Variants in RXRG observed in about 807,000 individuals in gnomAD.
RXRG encodes retinoic acid receptor RXR-gamma.
RXRG carries 19 observed loss-of-function variants against 49.2 expected under a neutral mutation model. That is an observed-to-expected ratio of 0.39 (90% CI 0.27 to 0.57). The LOEUF (loss-of-function observed/expected upper bound fraction) is 0.57, where lower values mean the gene tolerates loss of function less well. Among genes scored for constraint, RXRG ranks in the 20% least tolerant of loss-of-function variants. The probability of loss-of-function intolerance (pLI) is 0.64; values close to 1 mark genes in which losing one functional copy is unlikely to be tolerated. For missense variants in RXRG, 452 were observed against 592.5 expected (o/e 0.76, Z 2.46); for synonymous variants, 224 against 216.6 (o/e 1.03, Z -0.30).
intron 7 of RXRG, 94 bp downstream of exon 7, chr1:165,409,464 T>G: frequency 8.0e-7 from 1 of 1,253,778 alleles, no homozygotes; most frequent in South Asian, 3.7e-5. Flanking sequence ...CATGCCCACG[T>G]GAGAATTCAT....
intron 3 of RXRG, 92 bp downstream of exon 3, chr1:165,419,778 T>C: frequency 8.3e-7 from 1 of 1,205,458 alleles, no homozygotes; most frequent in Non-Finnish European, 1.1e-6. Context: ...TAAAGGGCCA[T>C]TTTCCTTTCA....
At chr1:165,419,016 A>G (rs1317026036) in intron 3 of RXRG, among the ~76,000 whole-genome samples, 2 of 152,244 alleles carry the variant, frequency 1.3e-5, no homozygotes, top group East Asian at 1.9e-4. Flanking sequence ...ATGGACAGCT[A>G]TAGAAAAGAG....
chr1:165,406,716 A>C, intron 9 of RXRG, 96 bp downstream of exon 9: 1 of 862,974 alleles, frequency 1.2e-6, no homozygotes, highest in Non-Finnish European at 1.9e-6. Context: ...AACATTTAAA[A>C]ACACCTAAAC....
chr1:165,407,192 C>T (rs1231469312), intron 8 of RXRG, among the ~76,000 whole-genome samples: 3 of 152,184 alleles, frequency 2.0e-5, no homozygotes, highest in East Asian at 1.9e-4. Flanking sequence ...GGACCATTCT[C>T]GAAATATTAC....
chr1:165,427,487 T>C (rs908794556), intron 2 of RXRG, among the ~76,000 whole-genome samples: 16 of 152,160 alleles, frequency 1.1e-4, no homozygotes, highest in African/African-American at 3.6e-4. Context: ...CAAGCTGGAG[T>C]GCAGTGGCAT....
intron 7 of RXRG, among the ~76,000 whole-genome samples, chr1:165,409,129 G>T (rs1288996741): frequency 6.6e-6 from 1 of 152,140 alleles, no homozygotes; most frequent in African/African-American, 2.4e-5. Flanking sequence ...AGTCCATCTT[G>T]CCTGGCCTCT....
In RXRG at chr1:165,442,238, C is replaced by A. The variant is rs372487630; in HGVS notation, c.49+2607G>T. Among the ~76,000 whole-genome samples, 4 of 152,296 alleles carry A rather than the reference C, an allele frequency of 2.6e-5. No individual in the cohort carries two copies. In the East Asian group the frequency reaches 7.7e-4, roughly 29 times the overall value. ...TGTGCCTGCTTGTGAGTCCTCTGTC[C>A]CTCTCCCTCATCACAGAAAGTTCTC... On this transcript the variant is annotated intron_variant, in intron 1 of 9. Coordinates refer to ENST00000359842, the MANE Select transcript of RXRG (RefSeq NM_006917.5).
At chr1:165,401,510 T>G in intron 9 of RXRG, 100 bp from the exon 10 acceptor site, 1 of 1,375,390 alleles carries the variant, frequency 7.3e-7, no homozygotes, top group Non-Finnish European at 1.0e-6. Flanking sequence ...TCGACCCATC[T>G]GTGATAAAAG....
intron 2 of RXRG, among the ~76,000 whole-genome samples, chr1:165,427,871 C>T (rs1658542663): frequency 6.6e-6 from 1 of 152,180 alleles, no homozygotes; most frequent in Non-Finnish European, 1.5e-5. Context: ...AAAGCATGCC[C>T]CCAAGTAGCT....
chr1:165,432,785 G>A (rs74806111), intron 1 of RXRG, among the ~76,000 whole-genome samples: 1 of 152,202 alleles, frequency 6.6e-6, no homozygotes, highest in Non-Finnish European at 1.5e-5. Context: ...AGGATGAGTG[G>A]TGTTTCTTGC....
At chr1:165,424,512 C>G (rs186783468) in intron 2 of RXRG, among the ~76,000 whole-genome samples, 1 of 152,288 alleles carries the variant, frequency 6.6e-6, no homozygotes, top group Admixed American at 6.5e-5. Context: ...ATTTGTAACC[C>G]CACGATAAAG....
intron 2 of RXRG, among the ~76,000 whole-genome samples, chr1:165,421,314 A>T (rs1252087549): frequency 1.3e-5 from 2 of 152,214 alleles, no homozygotes; most frequent in Non-Finnish European, 2.9e-5. Context: ...AAATGACAAC[A>T]CATATGTGAT....
At chr1:165,431,981 G>C (rs913084) in intron 1 of RXRG, among the ~76,000 whole-genome samples, 5 of 152,090 alleles carry the variant, frequency 3.3e-5, no homozygotes, top group African/African-American at 1.2e-4. Flanking sequence ...TTAAGAAAAA[G>C]TCTAAGTACA....
chr1:165,439,620 C>T lies in RXRG; in HGVS notation c.49+5225G>A, dbSNP rs564811756. Among the ~76,000 whole-genome samples the T allele has an allele frequency of 7.9e-5, 12 of 152,340 alleles. No homozygotes were observed. The South Asian group carries it at 2.3e-3, about 29-fold the overall frequency. On this transcript the variant is annotated intron_variant, in intron 1 of 9. Coordinates refer to ENST00000359842, the MANE Select transcript of RXRG (RefSeq NM_006917.5). Reference sequence around the variant, plus strand: ...GAGGGCCTCTTCTACATGCTCTCCACTCTCCAACACATTCCTTGATTTTTC... The same window carrying T: ...GAGGGCCTCTTCTACATGCTCTCCATTCTCCAACACATTCCTTGATTTTTC...
intron 2 of RXRG, among the ~76,000 whole-genome samples, chr1:165,427,036 C>T (rs1658508183): frequency 6.6e-6 from 1 of 152,178 alleles, no homozygotes; most frequent in Admixed American, 6.5e-5. Context: ...TTGGATGATG[C>T]CCACTCACAT....
Position 165,409,659 on chromosome 1 carries a change from G to T in RXRG, c.945C>A (p.Ser315=). 6.5e-7 allele frequency: 1 copy of T among 1,549,680 alleles called. No homozygotes were observed. The highest frequency in any genetic ancestry group is 2.4e-5 in the East Asian group (1 of 40,820). The change falls in exon 7 of 10, where the codon TCC becomes TCA. Residue 315 remains serine (S), a synonymous_variant. Coordinates refer to ENST00000359842, the MANE Select transcript of RXRG (RefSeq NM_006917.5). ...GWNELLIASF[S]HRSVSVQDGI... ...CATCCTGCACGGAAACTGAGCGGTG[G>T]GAGAAAGAGGCAATCAGCAATTCAT...
At chr1:165,413,635 C>G (rs776939183) in intron 4 of RXRG, among the ~76,000 whole-genome samples, 6 of 152,142 alleles carry the variant, frequency 3.9e-5, no homozygotes, top group Non-Finnish European at 8.8e-5. Context: ...TGAACTGCCT[C>G]AAAGGCAATC....
rs1334924347 is a variant in RXRG, at chr1:165,417,120, G to A, written c.543C>T (p.Cys181=). 1.2e-6 allele frequency: 2 copies of A among 1,614,186 alleles called. No homozygotes were observed. The highest frequency in any genetic ancestry group is 1.1e-5 in the South Asian group (1 of 91,074). Reference sequence around the variant, plus strand: ...GGTTGCGCTGACGCTTGTCAATGAGGCAGTCTTTATTATCCCGACACGTGT... The same window carrying A: ...GGTTGCGCTGACGCTTGTCAATGAGACAGTCTTTATTATCCCGACACGTGT... ...LIYTCRDNKD[C]LIDKRQRNRC... The change falls in exon 4 of 10, where the codon TGC becomes TGT. Residue 181 remains cysteine, a synonymous_variant. Transcript: ENST00000359842.
intron 2 of RXRG, among the ~76,000 whole-genome samples, chr1:165,422,266 T>C (rs1172327881): frequency 6.6e-6 from 1 of 152,214 alleles, no homozygotes; most frequent in East Asian, 1.9e-4. Context: ...TCAACAACCC[T>C]AAGAGGTCTT....
Sources: gnomAD v4.1 joint callset for allele counts (sites outside exome capture counted in the v4.1 genomes callset) on GRCh38, gnomAD v4.1.1 for gene constraint, MANE v1.5 for transcripts, NCBI Gene and HGNC (gene_info 2026-07-23, HGNC 2026-07-21) for gene names.